Variants in NTMT1 observed in about 807,000 individuals in gnomAD.
The protein encoded by NTMT1 is N-terminal Xaa-Pro-Lys N-methyltransferase 1, also known as N-terminal RCC1 methyltransferase.
A neutral mutation model predicts 17.5 loss-of-function variants in NTMT1; 8 were observed. The ratio of observed to expected loss-of-function variants is 0.46; its 90% CI spans 0.27 to 0.82. The LOEUF is 0.82. NTMT1 is among the 40% of genes least tolerant of loss of function. NTMT1 has a pLI of 0.15. For missense variants in NTMT1, 221 were observed against 303.5 expected, an observed-to-expected ratio of 0.73 and a Z score of 2.02; for synonymous variants, 128 against 126.8, an observed-to-expected ratio of 1.01 and a Z score of -0.06.
Position 129,613,181 on chromosome 9 carries a change from A to T in NTMT1, c.-55+4003A>T, listed in dbSNP as rs143230441. 1 of 1,613,550 alleles carries T rather than the reference A, an allele frequency of 6.2e-7. No homozygotes were observed. Among genetic ancestry groups the T allele is most frequent in the Non-Finnish European group, 8.5e-7 (1 of 1,180,000 alleles). On this transcript the variant is annotated intron_variant, in intron 1 of 3. Transcript: ENST00000372486. The surrounding 1 kb of genome is among the most constrained non-coding windows in gnomAD (Gnocchi z 6.2). ...GGCCTCTGAGCAGCGGCCTTCTTCC[A>T]TGAACAGAAGGGCAGGCTGCTGTTC...
At chr9:129,609,800 G>GGGA (rs1196593568) in intron 1 of NTMT1, among the ~76,000 whole-genome samples, 4 of 152,080 alleles carry the variant, frequency 2.6e-5, no homozygotes, top group Non-Finnish European at 5.9e-5. Flanking sequence ...GAGGGCCAGG[G>GGGA]GGAGGCGTCT....
chr9:129,613,018 G>A lies in NTMT1; in HGVS notation c.-55+3840G>A. 1.3e-6 allele frequency: 2 copies of A among 1,547,224 alleles called. No homozygotes were observed. The highest frequency in any genetic ancestry group is 1.2e-5 in the South Asian group (1 of 86,830). On this transcript the variant is annotated intron_variant, in intron 1 of 3. Transcript: ENST00000372486. This position sits in a 1 kb window ranked among gnomAD's most constrained non-coding sequence, Gnocchi z 6.2. ...CAGGGAGGGTCCACTCCCAGCCCCA[G>A]CCACTCCACCAAACAGGGCTGCTCC...
intron 1 of NTMT1, chr9:129,612,239 C>G: frequency 2.3e-6 from 2 of 880,674 alleles, no homozygotes; most frequent in Non-Finnish European, 3.6e-6. Context: ...GGTGTGACAC[C>G]TACTGGCAGG....
In NTMT1 at chr9:129,613,177, T is replaced by C. The variant is rs772371111; in HGVS notation, c.-55+3999T>C. On this transcript the variant is annotated intron_variant, in intron 1 of 3. Coordinates refer to the NTMT1 transcript ENST00000372486. This position sits in a 1 kb window ranked among gnomAD's most constrained non-coding sequence, Gnocchi z 6.2. ...TCGCGGCCTCTGAGCAGCGGCCTTC[T>C]TCCATGAACAGAAGGGCAGGCTGCT... The C allele has an allele frequency of 6.2e-7, 1 of 1,613,716 alleles. No homozygotes were observed. Among genetic ancestry groups the C allele is most frequent in the Admixed American group, 1.7e-5 (1 of 60,012 alleles).
Position 129,620,279 on chromosome 9 carries a change from G to A in NTMT1, c.-55+11101G>A, listed in dbSNP as rs1301246093. The stretch of plus-strand genomic sequence containing the variant: ...CGACAGCAGGGGAGGCGGCAGCAGG[G>A]ACCGCAGCAGCCCCCGCTTCCGCAC... On this transcript the variant is annotated intron_variant, in intron 1 of 3. Transcript: ENST00000372486. The surrounding 1 kb of genome is among the most constrained non-coding windows in gnomAD (Gnocchi z 5.8). 3.9e-6 allele frequency: 5 copies of A among 1,291,414 alleles called. No individual in the cohort carries two copies. Among genetic ancestry groups the A allele is most frequent in the Non-Finnish European group, 4.9e-6 (5 of 1,015,812 alleles). The allele number at this position is 1,291,414 out of a possible 1,614,324, so 80.0% of individuals were successfully genotyped here.
At chr9:129,630,505 A>T (rs1290999016) in intron 1 of NTMT1, among the ~76,000 whole-genome samples, 1 of 152,112 alleles carries the variant, frequency 6.6e-6, no homozygotes. Context: ...TTGCTTCCCA[A>T]AGGCCTCGTG....
chr9:129,631,453 G>A lies in NTMT1; in HGVS notation c.-54-1197G>A, dbSNP rs577733570. On this transcript the variant is annotated intron_variant, in intron 1 of 3. Transcript: ENST00000372483. ...AACTGTCATCGCTGTCCTGAAGGGT[G>A]AGGTGGGCCTGGGCTCTGCTGCCAG... 5.9e-5 allele frequency among the ~76,000 whole-genome samples: 9 copies of A among 152,316 alleles called. No individual in the cohort carries two copies. The South Asian group carries it at 1.9e-3, about 32-fold the overall frequency.
intron 1 of NTMT1, chr9:129,612,278 T>A: frequency 7.4e-7 from 1 of 1,350,392 alleles, no homozygotes; most frequent in Non-Finnish European, 1.0e-6. Context: ...TGCCTTTATT[T>A]GTGGGGCAAG....
chr9:129,619,886 C>A, intron 1 of NTMT1: 2 of 1,581,062 alleles, frequency 1.3e-6, no homozygotes, highest in South Asian at 2.2e-5. Context: ...CCTTTCTAGT[C>A]ATGTGGCCTC....
Position 129,620,069 on chromosome 9 carries a change from A to G in NTMT1, c.-55+10891A>G. 1.4e-6 allele frequency: 2 copies of G among 1,449,388 alleles called. No homozygotes were observed. The highest frequency in any genetic ancestry group is 1.8e-6 in the Non-Finnish European group (2 of 1,099,316). 89.8% of individuals were successfully genotyped at this position (1,449,388 alleles called of 1,614,324 possible). A position where few individuals can be genotyped will look rare whatever the true frequency, so the allele number is the denominator to read the frequency against. The stretch of plus-strand genomic sequence containing the variant: ...CCCCGGGCCCCGCGGGGCCTCACTC[A>G]GTGGCTCCGGCTCCTCGGCGCACTT... On this transcript the variant is annotated intron_variant, in intron 1 of 3. Transcript: ENST00000372486. The surrounding 1 kb of genome is among the most constrained non-coding windows in gnomAD (Gnocchi z 5.8).
chr9:129,620,452 T>C lies in NTMT1; in HGVS notation c.-55+11274T>C. On this transcript the variant is annotated intron_variant, in intron 1 of 3. Transcript: ENST00000372486. The surrounding 1 kb of genome is among the most constrained non-coding windows in gnomAD (Gnocchi z 5.8). ...CGGAGCCCCGCGCGCCCAGAGCCGC[T>C]CGGAGCGCGGGCGGGGTCAGCTTGG... The C allele has an allele frequency of 7.6e-7, 1 of 1,318,574 alleles. No individual in the cohort carries two copies. The highest frequency in any genetic ancestry group is 2.0e-5 in the South Asian group (1 of 50,786). The allele number at this position is 1,318,574 out of a possible 1,614,324, so 81.7% of individuals were successfully genotyped here.
intron 1 of NTMT1, chr9:129,615,489 C>T (rs1283489619): frequency 5.6e-6 from 9 of 1,592,928 alleles, no homozygotes; most frequent in South Asian, 2.3e-5. Context: ...CTTACCTGAG[C>T]GTCTGCGCTC....
In NTMT1 at chr9:129,620,587, A is replaced by C. The variant is rs1423833226; in HGVS notation, c.-55+11409A>C. ...GACGCCAGAACATGCTTGGCCCCGC[A>C]CTCAGCTCACCGCACCCTCAGCGCG... On this transcript the variant is annotated intron_variant, in intron 1 of 3. Coordinates refer to the NTMT1 transcript ENST00000372486. This position sits in a 1 kb window ranked among gnomAD's most constrained non-coding sequence, Gnocchi z 5.8. The C allele has an allele frequency of 1.5e-6, 2 of 1,330,840 alleles. No individual in the cohort carries two copies. The highest frequency in any genetic ancestry group is 3.0e-5 in the African/African-American group (2 of 66,396). The allele number at this position is 1,330,840 out of a possible 1,614,324, so 82.4% of individuals were successfully genotyped here.
chr9:129,632,158 T>A (rs1347333018), intron 1 of NTMT1, among the ~76,000 whole-genome samples: 2 of 150,220 alleles, frequency 1.3e-5, no homozygotes, highest in Non-Finnish European at 3.0e-5. Context: ...TATCAAGAAC[T>A]TGAAGCCAGG....
Position 129,613,416 on chromosome 9 carries a change from C to T in NTMT1, c.-55+4238C>T, listed in dbSNP as rs376865697. 64 of 1,610,972 alleles carry T rather than the reference C, an allele frequency of 4.0e-5. No individual in the cohort carries two copies. In the African/African-American group the frequency reaches 6.0e-4, roughly 15 times the overall value. On this transcript the variant is annotated intron_variant, in intron 1 of 3. Transcript: ENST00000372486. This position sits in a 1 kb window ranked among gnomAD's most constrained non-coding sequence, Gnocchi z 6.2. ...CCTGGCAATGTCCACGAGTCCCATC[C>T]GCTTCCCTGGAGCCTCACAGGCCAG...
chr9:129,616,666 G>A (rs1306093525), intron 1 of NTMT1, among the ~76,000 whole-genome samples: 3 of 152,186 alleles, frequency 2.0e-5, no homozygotes, highest in Non-Finnish European at 4.4e-5. Context: ...TGGGTTTGGT[G>A]AGTATCAAAT....
At chr9:129,633,916 C>T (rs1831344590) in intron 2 of NTMT1, 138 bp from the exon 3 acceptor site, 2 of 965,670 alleles carry the variant, frequency 2.1e-6, no homozygotes. Context: ...TGGCAGCCAG[C>T]ACAGACCTCC....
upstream of NTMT1, among the ~76,000 whole-genome samples, chr9:129,624,505 G>A (rs1474679401): frequency 6.6e-6 from 1 of 152,202 alleles, no homozygotes; most frequent in African/African-American, 2.4e-5. Flanking sequence ...ACATCCTGCG[G>A]ACTCAATGCA....
intron 1 of NTMT1, among the ~76,000 whole-genome samples, chr9:129,627,080 C>T (rs912957155): frequency 2.0e-5 from 3 of 152,204 alleles, no homozygotes; most frequent in Non-Finnish European, 2.9e-5. Flanking sequence ...ATTCTGTTCT[C>T]GGCTTCCTGT....
Sources: allele counts gnomAD v4.1 joint callset (sites outside exome capture counted in the v4.1 genomes callset), GRCh38; gene constraint gnomAD v4.1.1; non-coding constraint Gnocchi (gnomAD v3.1); transcripts MANE v1.5; gene names NCBI Gene and HGNC (gene_info 2026-07-23, HGNC 2026-07-21).